ADAM12: variants seen among roughly 807,000 people sequenced by gnomAD.
ADAM12 encodes disintegrin and metalloproteinase domain-containing protein 12.
In ADAM12, 70 loss-of-function variants were observed where a neutral mutation model predicts 106.4. That is an observed-to-expected ratio of 0.66 (90% CI 0.54 to 0.80). The LOEUF (loss-of-function observed/expected upper bound fraction) is 0.80, where lower values mean the gene tolerates loss of function less well. Ranked by LOEUF, ADAM12 falls within the 30% of genes least tolerant of loss-of-function variation. ADAM12 has a pLI of 0.00. For synonymous variants in ADAM12, 420 were observed against 433.5 expected, an observed-to-expected ratio of 0.97 and a Z score of 0.39; for missense variants, 1,010 against 1,171.9, an observed-to-expected ratio of 0.86 and a Z score of 2.02.
intron 3 of ADAM12, among the ~76,000 whole-genome samples, chr10:126,164,534 T>A (rs539541543): frequency 6.6e-6 from 1 of 152,226 alleles, no homozygotes; most frequent in African/African-American, 2.4e-5. Flanking sequence ...TACTTTCATA[T>A]GTGGGACTAA....
chr10:126,027,915 G>A (rs750905178), intron 21 of ADAM12, among the ~76,000 whole-genome samples: 1 of 152,124 alleles, frequency 6.6e-6, no homozygotes, highest in African/African-American at 2.4e-5. Flanking sequence ...AACTAACTTT[G>A]TTTGCAGATG....
chr10:126,108,771 GACCC>G, intron 7 of ADAM12, 107 bp from the exon 8 acceptor site: 2 of 989,400 alleles, frequency 2.0e-6, no homozygotes, highest in Non-Finnish European at 1.6e-6. Context: ...AACCACTGGG[GACCC>G]TCCACAGTTC....
intron 14 of ADAM12, among the ~76,000 whole-genome samples, chr10:126,058,280 C>A (rs116618623): frequency 6.6e-6 from 1 of 152,246 alleles, no homozygotes; most frequent in Admixed American, 6.5e-5. Context: ...GTTCCAAGAA[C>A]GAATGAGTGA....
intron 2 of ADAM12, among the ~76,000 whole-genome samples, chr10:126,308,588 A>G (rs1960947396): frequency 6.6e-6 from 1 of 152,244 alleles, no homozygotes; most frequent in Non-Finnish European, 1.5e-5. Context: ...GCAAACTTTT[A>G]CACAGCCACT....
intron 3 of ADAM12, among the ~76,000 whole-genome samples, chr10:126,191,404 A>G (rs1957498455): frequency 6.6e-6 from 1 of 152,100 alleles, no homozygotes; most frequent in Admixed American, 6.6e-5. Context: ...CAGGAGGGGA[A>G]GCCTGGAGGA....
intron 5 of ADAM12, among the ~76,000 whole-genome samples, chr10:126,134,219 T>A (rs916926347): frequency 6.6e-6 from 1 of 152,176 alleles, no homozygotes; most frequent in African/African-American, 2.4e-5. Flanking sequence ...AAAATGCTTT[T>A]AAAAAAATGC....
intron 5 of ADAM12, among the ~76,000 whole-genome samples, chr10:126,131,615 A>T (rs939619007): frequency 6.6e-6 from 1 of 152,132 alleles, no homozygotes; most frequent in Non-Finnish European, 1.5e-5. Flanking sequence ...CCCTCTGTAC[A>T]CGCACAAAGA....
intron 11 of ADAM12, among the ~76,000 whole-genome samples, chr10:126,074,795 G>A (rs1344636864): frequency 6.6e-6 from 1 of 152,170 alleles, no homozygotes; most frequent in African/African-American, 2.4e-5. Context: ...GGAAAGTAGC[G>A]ATGTCCTCCT....
At chr10:126,078,917 G>A (rs1049589505) in intron 11 of ADAM12, among the ~76,000 whole-genome samples, 21 of 152,216 alleles carry the variant, frequency 1.4e-4, no homozygotes, top group African/African-American at 4.6e-4. Context: ...AGTGAATGCT[G>A]AAACACAGAA....
In ADAM12 at chr10:126,318,474, TCACA is replaced by T. The variant is rs534529186; in HGVS notation, c.186+11934_186+11937del. On this transcript the variant is annotated intron_variant, in intron 2 of 22. Coordinates refer to ENST00000448723, the MANE Select transcript of ADAM12 (RefSeq NM_001288973.2). ...CAAACTCATGCAGTGACATTCACAC[TCACA>T]CATTCACACATTCTCAGAGCCACAC... is the stretch of plus-strand genomic sequence containing the variant. Among the ~76,000 whole-genome samples the T allele has an allele frequency of 4.6e-5, 7 of 150,752 alleles. No homozygotes were observed. In the East Asian group the frequency reaches 9.9e-4, roughly 21 times the overall value.
chr10:126,285,598 T>C (rs1340994278), intron 2 of ADAM12, among the ~76,000 whole-genome samples: 1 of 152,198 alleles, frequency 6.6e-6, no homozygotes, highest in South Asian at 2.1e-4. Flanking sequence ...CTTTAGGGCA[T>C]GTAGGCTTGG....
intron 3 of ADAM12, among the ~76,000 whole-genome samples, chr10:126,276,316 T>C (rs1959243119): frequency 6.6e-6 from 1 of 152,208 alleles, no homozygotes; most frequent in South Asian, 2.1e-4. Flanking sequence ...GTTCTTATAG[T>C]TTCACTTGTA....
intron 1 of ADAM12, among the ~76,000 whole-genome samples, chr10:126,381,462 G>C (rs1373880544): frequency 1.3e-5 from 2 of 151,982 alleles, no homozygotes; most frequent in South Asian, 2.1e-4. Flanking sequence ...AATAGAGTGA[G>C]ATTCTGTCTG....
intron 10 of ADAM12, among the ~76,000 whole-genome samples, chr10:126,097,907 A>G (rs750148747): frequency 1.3e-5 from 2 of 152,248 alleles, no homozygotes; most frequent in Non-Finnish European, 2.9e-5. Context: ...CTGACTTCCA[A>G]GAATAAGGTT....
At chr10:126,022,706 G>C (rs952021798) in intron 21 of ADAM12, among the ~76,000 whole-genome samples, 3 of 152,178 alleles carry the variant, frequency 2.0e-5, no homozygotes, top group Non-Finnish European at 2.9e-5. Context: ...ATCATCTGAA[G>C]GGAGCTGAGA....
chr10:126,241,811 T>G (rs988086381), intron 3 of ADAM12, among the ~76,000 whole-genome samples: 7 of 152,208 alleles, frequency 4.6e-5, no homozygotes, highest in Admixed American at 1.3e-4. Flanking sequence ...GCTTAATAAA[T>G]GGTGTTATTA....
intron 1 of ADAM12, among the ~76,000 whole-genome samples, chr10:126,342,892 C>T (rs183053932): frequency 1.1e-3 from 161 of 150,376 alleles, no homozygotes; most frequent in African/African-American, 3.6e-3. Flanking sequence ...AAGGTGAATC[C>T]GCTGATGAGG....
chr10:126,206,148 T>C (rs1044054703), intron 3 of ADAM12, among the ~76,000 whole-genome samples: 1 of 152,200 alleles, frequency 6.6e-6, no homozygotes, highest in African/African-American at 2.4e-5. Context: ...CCCTCTGATG[T>C]TGTTTTGCTG....
At chr10:126,362,046 T>C (rs139697268) in intron 1 of ADAM12, among the ~76,000 whole-genome samples, 1,746 of 152,140 alleles carry the variant, frequency 0.011, 30 homozygotes, top group African/African-American at 0.04. Flanking sequence ...CTAATAGGAG[T>C]TAATATCCAA....
Sources: gnomAD v4.1 joint callset for allele counts (sites outside exome capture counted in the v4.1 genomes callset) on GRCh38, gnomAD v4.1.1 for gene constraint, MANE v1.5 for transcripts, NCBI Gene and HGNC (gene_info 2026-07-23, HGNC 2026-07-21) for gene names.